FLRT2: variants seen among roughly 807,000 people sequenced by gnomAD.
The protein encoded by FLRT2 is fibronectin leucine rich transmembrane protein 2.
Under a neutral mutation model 40.0 loss-of-function variants are expected in FLRT2, and 15 were observed. The ratio of observed to expected loss-of-function variants is 0.38; its 90% confidence interval spans 0.25 to 0.58. The LOEUF (loss-of-function observed/expected upper bound fraction) is 0.58, where lower values mean the gene tolerates loss of function less well. Ranked by LOEUF, FLRT2 falls within the 20% of genes least tolerant of loss-of-function variation. The probability of loss-of-function intolerance (pLI) is 0.71; values close to 1 mark genes in which losing one functional copy is unlikely to be tolerated. For synonymous variants in FLRT2, 380 were observed against 336.8 expected, an observed-to-expected ratio of 1.13 and a Z score of -1.41; for missense variants, 726 against 840.0, an observed-to-expected ratio of 0.86 and a Z score of 1.68.
intron 1 of FLRT2, among the ~76,000 whole-genome samples, chr14:85,562,085 C>T (rs1055678057): frequency 7.9e-5 from 12 of 152,194 alleles, no homozygotes; most frequent in Admixed American, 7.9e-4. Flanking sequence ...ATGACTAATA[C>T]CAATGCTTAG....
chr14:85,595,233 T>TG (rs1892081059), intron 1 of FLRT2, among the ~76,000 whole-genome samples: 1 of 152,124 alleles, frequency 6.6e-6, no homozygotes, highest in East Asian at 1.9e-4. Context: ...ACTTCCATAA[T>TG]GCCCAAAGTC....
Position 85,624,492 on chromosome 14 carries a change from A to G in FLRT2, c.*995A>G, listed in dbSNP as rs1423830645. ...AACAGGTGATCAATGTTTGGAAAAT[A>G]CAACAATGACTTATTTAAAAATTAC... On this transcript the variant is annotated 3_prime_UTR_variant, in exon 2 of 2. Coordinates refer to ENST00000330753, the MANE Select transcript of FLRT2 (RefSeq NM_013231.6). 6.0e-6 allele frequency: 1 copy of G among 167,080 alleles called. No homozygotes were observed. 10.3% of individuals were successfully genotyped at this position (167,080 alleles called of 1,614,324 possible).
rs1042420047 is a variant in FLRT2 at position 85,642,463 on chromosome 14, C to T, written c.*18966C>T. 1 of 152,288 alleles carries T rather than the reference C, an allele frequency of 6.6e-6. No homozygotes were observed. Among genetic ancestry groups the T allele is most frequent in the African/African-American group, 2.4e-5 (1 of 41,550 alleles). 9.4% of individuals were successfully genotyped at this position (152,288 alleles called of 1,614,324 possible). On this transcript the variant is annotated 3_prime_UTR_variant, in exon 2 of 2. Coordinates refer to ENST00000330753, the MANE Select transcript of FLRT2 (RefSeq NM_013231.6). ...GTAAAATAGCTTGTTCTGATCACCT[C>T]ACTGCCTCCAAGTCTAGAGTTAGAG...
intron 1 of FLRT2, among the ~76,000 whole-genome samples, chr14:85,567,820 T>C (rs1269248235): frequency 6.6e-6 from 1 of 151,990 alleles, no homozygotes; most frequent in Non-Finnish European, 1.5e-5. Flanking sequence ...TTTGTATTTT[T>C]AGTAGAGACG....
intron 1 of FLRT2, among the ~76,000 whole-genome samples, chr14:85,579,260 C>T (rs903698566): frequency 1.3e-5 from 2 of 152,104 alleles, no homozygotes; most frequent in Non-Finnish European, 2.9e-5. Flanking sequence ...TTATGGGTTT[C>T]TCCTTCTCCT....
chr14:85,583,676 G>C (rs2139879184), intron 1 of FLRT2, among the ~76,000 whole-genome samples: 1 of 152,286 alleles, frequency 6.6e-6, no homozygotes, highest in East Asian at 1.9e-4. Flanking sequence ...CACGGAAGGA[G>C]ATATAATTTA....
chr14:85,609,525 G>C (rs1026203371), intron 1 of FLRT2, among the ~76,000 whole-genome samples: 1 of 152,174 alleles, frequency 6.6e-6, no homozygotes, highest in African/African-American at 2.4e-5. Flanking sequence ...CTGTTTCACC[G>C]GGAATTTGTT....
rs909642899 is a variant in FLRT2, at chr14:85,641,585, C to G, written c.*18088C>G. On this transcript the variant is annotated 3_prime_UTR_variant, in exon 2 of 2. Transcript: ENST00000330753. ...GGACGCAACAGTTTAAGAGGTAGTTCCTGATTTATTCCCCTCCCCTTTCCA... is the reference window on the plus strand; with the variant it reads ...GGACGCAACAGTTTAAGAGGTAGTTGCTGATTTATTCCCCTCCCCTTTCCA... 2.0e-5 allele frequency: 3 copies of G among 152,148 alleles called. No individual in the cohort carries two copies. Among genetic ancestry groups the G allele is most frequent in the Non-Finnish European group, 4.4e-5 (3 of 68,032 alleles). 9.4% of individuals were successfully genotyped at this position (152,148 alleles called of 1,614,324 possible). A position where few individuals can be genotyped will look rare whatever the true frequency, so the allele number is the denominator to read the frequency against.
rs544584381 is a variant in FLRT2, at chr14:85,615,934, C to T, written c.-376-5205C>T. On this transcript the variant is annotated intron_variant, in intron 1 of 1. Transcript: ENST00000330753. ...ATTAAGTGCTCCTGGAATACAGGCTCCTGGAATTAATTAGAAAAAGAAAAA... is the reference window on the plus strand; with the variant it reads ...ATTAAGTGCTCCTGGAATACAGGCTTCTGGAATTAATTAGAAAAAGAAAAA... Among the ~76,000 whole-genome samples the T allele has an allele frequency of 1.2e-3, 186 of 152,214 alleles. 1 individual carries two copies. Among genetic ancestry groups the T allele is most frequent in the African/African-American group, 4.3e-3 (177 of 41,540 alleles).
intron 1 of FLRT2, among the ~76,000 whole-genome samples, chr14:85,575,298 T>A (rs1399185283): frequency 6.6e-6 from 1 of 152,156 alleles, no homozygotes; most frequent in African/African-American, 2.4e-5. Context: ...CATTCCTCTC[T>A]GTCTGCAGGT....
At chr14:85,559,178 A>C (rs1447014573) in intron 1 of FLRT2, 2 of 152,246 alleles carry the variant, frequency 1.3e-5, no homozygotes, top group Non-Finnish European at 2.9e-5. Flanking sequence ...ACAAGCATAC[A>C]GAGGACTCAG....
chr14:85,594,644 CAT>C (rs1453904322), intron 1 of FLRT2, among the ~76,000 whole-genome samples: 1 of 152,146 alleles, frequency 6.6e-6, no homozygotes, highest in East Asian at 1.9e-4. Context: ...TTGAGAAACA[CAT>C]GTTTTGGTAC....
At chr14:85,577,472 T>G (rs907818352) in intron 1 of FLRT2, among the ~76,000 whole-genome samples, 7 of 152,148 alleles carry the variant, frequency 4.6e-5, no homozygotes, top group Admixed American at 6.6e-5. Flanking sequence ...TTTTGTTAAT[T>G]CCCTGCAGCC....
At position 85,649,988 on chromosome 14, in the gene FLRT2, C is replaced by T; in HGVS notation, c.*26491C>T. On this transcript the variant is annotated 3_prime_UTR_variant, in exon 2 of 2. Coordinates refer to ENST00000330753, the MANE Select transcript of FLRT2 (RefSeq NM_013231.6). ...TAAAGAAAGTAATACAAGGAACACTCATGTACACATCAACCAGCTTTGTCT... is the reference window on the plus strand; with the variant it reads ...TAAAGAAAGTAATACAAGGAACACTTATGTACACATCAACCAGCTTTGTCT... 1 of 151,942 alleles carries T rather than the reference C, an allele frequency of 6.6e-6. No homozygotes were observed. Among genetic ancestry groups the T allele is most frequent in the East Asian group, 1.9e-4 (1 of 5,186 alleles). 9.4% of individuals were successfully genotyped at this position (151,942 alleles called of 1,614,324 possible). A position where few individuals can be genotyped will look rare whatever the true frequency, so the allele number is the denominator to read the frequency against.
intron 1 of FLRT2, among the ~76,000 whole-genome samples, chr14:85,568,919 C>T (rs540562185): frequency 6.7e-6 from 1 of 150,110 alleles, no homozygotes; most frequent in South Asian, 2.1e-4. Flanking sequence ...TCACTCATTC[C>T]GTCTGTCTCC....
rs1434028478 is a variant in FLRT2, at chr14:85,638,091, T to C, written c.*14594T>C. On this transcript the variant is annotated 3_prime_UTR_variant, in exon 2 of 2. Coordinates refer to ENST00000330753, the MANE Select transcript of FLRT2 (RefSeq NM_013231.6). ...CTGGGACTAGGTGACTTATTCTAAA[T>C]GTAACAATTACCGGTAGAGAATGGG... The C allele has an allele frequency of 6.6e-6, 1 of 152,152 alleles. No individual in the cohort carries two copies. Among genetic ancestry groups the C allele is most frequent in the Non-Finnish European group, 1.5e-5 (1 of 68,050 alleles). The allele number at this position is 152,152 out of a possible 1,614,324, so 9.4% of individuals were successfully genotyped here.
chr14:85,542,785 C>G (rs1409974224), intron 1 of FLRT2, among the ~76,000 whole-genome samples: 1 of 152,138 alleles, frequency 6.6e-6, no homozygotes, highest in Non-Finnish European at 1.5e-5. Context: ...GAAGGAATGC[C>G]ACGCAGACAT....
chr14:85,532,101 G>C (rs888014102), intron 1 of FLRT2, among the ~76,000 whole-genome samples: 10 of 152,286 alleles, frequency 6.6e-5, no homozygotes. Context: ...AGGACGAGTA[G>C]TGCGGTCGCG....
intron 1 of FLRT2, among the ~76,000 whole-genome samples, chr14:85,542,091 A>G (rs1392343500): frequency 6.6e-6 from 1 of 152,214 alleles, no homozygotes; most frequent in Non-Finnish European, 1.5e-5. Flanking sequence ...ATCCTTATAG[A>G]ATGATTATAC....
Sources: gnomAD v4.1 joint callset for allele counts (sites outside exome capture counted in the v4.1 genomes callset) on GRCh38, gnomAD v4.1.1 for gene constraint, MANE v1.5 for transcripts, NCBI Gene and HGNC (gene_info 2026-07-23, HGNC 2026-07-21) for gene names.